HHAT: variants seen among roughly 807,000 people sequenced by gnomAD.
The protein encoded by HHAT is hedgehog acyltransferase.
Under a neutral mutation model 70.8 loss-of-function variants are expected in HHAT, and 47 were observed. The ratio of observed to expected loss-of-function variants is 0.66; its 90% CI spans 0.53 to 0.85. The LOEUF (loss-of-function observed/expected upper bound fraction) is 0.85, where lower values mean the gene tolerates loss of function less well. Ranked by LOEUF, HHAT falls within the 40% of genes least tolerant of loss-of-function variation. The pLI is 0.00. For synonymous variants in HHAT, 228 were observed against 247.6 expected, an observed-to-expected ratio of 0.92 and a Z score of 0.74; for missense variants, 609 against 604.8, an observed-to-expected ratio of 1.01 and a Z score of -0.07.
intron 11 of HHAT, among the ~76,000 whole-genome samples, chr1:210,626,660 A>G (rs1302809932): frequency 2.0e-5 from 3 of 152,192 alleles, no homozygotes; most frequent in South Asian, 4.2e-4. Context: ...ATGGTGCCCA[A>G]TCTCCCATCC....
At chr1:210,390,742 C>G (rs1254821916) in intron 4 of HHAT, among the ~76,000 whole-genome samples, 1 of 152,202 alleles carries the variant, frequency 6.6e-6, no homozygotes, top group East Asian at 1.9e-4. Flanking sequence ...TAAGTGAGAA[C>G]ATAGGATATT....
chr1:210,558,937 CTG>C (rs1323884038), intron 9 of HHAT, among the ~76,000 whole-genome samples: 1 of 152,084 alleles, frequency 6.6e-6, no homozygotes, highest in Admixed American at 6.5e-5. Flanking sequence ...AGTGAGGAGA[CTG>C]TGCTTCTAAA....
intron 10 of HHAT, among the ~76,000 whole-genome samples, chr1:210,618,159 A>G (rs1020275098): frequency 2.6e-5 from 4 of 152,160 alleles, no homozygotes; most frequent in Admixed American, 6.5e-5. Context: ...AAGGGGAAAC[A>G]TGTCCTACAG....
At chr1:210,517,521 A>G (rs2095078083) in intron 9 of HHAT, among the ~76,000 whole-genome samples, 1 of 152,166 alleles carries the variant, frequency 6.6e-6, no homozygotes, top group African/African-American at 2.4e-5. Flanking sequence ...GAACTCATGG[A>G]AACAGTAGAA....
In HHAT at chr1:210,349,067, G is replaced by A; in HGVS notation, c.91+1G>A. ...TATGAAGTTTACAAAGTCTCCAGAG[G>A]TAAGGCCCCAAGCTTTTCAGACCTC... On this transcript the variant is annotated splice_donor_variant, in intron 2 of 11. Transcript: ENST00000261458. LOFTEE classifies it high-confidence loss of function. 1 of 1,613,700 alleles carries A rather than the reference G, an allele frequency of 6.2e-7. No homozygotes were observed. The highest frequency in any genetic ancestry group is 8.5e-7 in the Non-Finnish European group (1 of 1,179,912).
At chr1:210,455,518 C>G (rs1394060713) in intron 7 of HHAT, among the ~76,000 whole-genome samples, 2 of 152,150 alleles carry the variant, frequency 1.3e-5, no homozygotes, top group Admixed American at 1.3e-4. Flanking sequence ...CACACAGGCT[C>G]TGTTCCACGT....
In HHAT at chr1:210,434,136, T is replaced by G. The variant is rs181132178; in HGVS notation, c.856+15811T>G. 1.7e-3 allele frequency among the ~76,000 whole-genome samples: 251 copies of G among 152,058 alleles called. 2 individuals are homozygous for G. The highest frequency in any genetic ancestry group is 2.9e-3 in the Non-Finnish European group (194 of 68,030). On this transcript the variant is annotated intron_variant, in intron 7 of 11. Coordinates refer to ENST00000261458, the MANE Select transcript of HHAT (RefSeq NM_018194.6). ...AAGAAGGTACACAATTTATCAGAAG[T>G]TGAAGAGAGGCCAATAAGAGGGGAA...
intron 7 of HHAT, among the ~76,000 whole-genome samples, chr1:210,452,150 C>T (rs1481324321): frequency 6.6e-6 from 1 of 152,202 alleles, no homozygotes; most frequent in African/African-American, 2.4e-5. Context: ...GATCTAAGGA[C>T]TGATAAGCTA....
rs1289172529 is a variant in HHAT at position 210,386,239 on chromosome 1, T to TC, written c.160-1229_160-1228insC. Among the ~76,000 whole-genome samples the TC allele has an allele frequency of 9.4e-4, 95 of 100,810 alleles. 4 individuals carry two copies. The East Asian group carries it at 0.016, about 17-fold the overall frequency. The allele number at this position is 100,810 out of a possible 152,430, so 66.1% of individuals were successfully genotyped here. On this transcript the variant is annotated intron_variant, in intron 3 of 11. Coordinates refer to ENST00000261458, the MANE Select transcript of HHAT (RefSeq NM_018194.6). ...GTCCTTTTCTTTTTTTCTTTTTTTT[T>TC]TTTTTTTTTTTTTTTTTGAGACAGA...
chr1:210,583,521 A>G (rs1659723235), intron 9 of HHAT, among the ~76,000 whole-genome samples: 1 of 152,214 alleles, frequency 6.6e-6, no homozygotes, highest in African/African-American at 2.4e-5. Flanking sequence ...TTTATTAATC[A>G]TGGAACTGAC....
Position 210,544,279 on chromosome 1 carries a change from C to A in HHAT, c.1043+31091C>A, listed in dbSNP as rs191770141. ...GACTATATGGATTCCTGTCAAGGGA[C>A]CTTGTCAAGTATCTTTACCTAGAGA... On this transcript the variant is annotated intron_variant, in intron 9 of 11. Transcript: ENST00000261458. Among the ~76,000 whole-genome samples, 416 of 151,828 alleles carry A rather than the reference C, an allele frequency of 2.7e-3. 2 individuals are homozygous for A. The highest frequency in any genetic ancestry group is 2.3e-3 in the Non-Finnish European group (157 of 67,986).
At chr1:210,488,499 T>C (rs563589090) in intron 8 of HHAT, among the ~76,000 whole-genome samples, 1 of 152,350 alleles carries the variant, frequency 6.6e-6, no homozygotes, top group East Asian at 1.9e-4. Context: ...GAAGATGTTT[T>C]CCCGTTTTAT....
intron 9 of HHAT, among the ~76,000 whole-genome samples, chr1:210,544,422 G>A (rs148470228): frequency 1.5e-3 from 225 of 147,976 alleles, no homozygotes; most frequent in African/African-American, 5.5e-3. Context: ...GCCCAAGCGG[G>A]AGTGCAAGGG....
At chr1:210,516,716 T>C (rs184114784) in intron 9 of HHAT, among the ~76,000 whole-genome samples, 5 of 151,312 alleles carry the variant, frequency 3.3e-5, no homozygotes, top group African/African-American at 9.7e-5. Flanking sequence ...TCAGGCTGTA[T>C]TGAATGCTTA....
chr1:210,617,997 G>GC (rs1668082046), intron 10 of HHAT, among the ~76,000 whole-genome samples: 1 of 152,194 alleles, frequency 6.6e-6, no homozygotes, highest in South Asian at 2.1e-4. Context: ...TAATCATTGA[G>GC]CACACATAGG....
rs148228829 is a variant in HHAT, at chr1:210,434,452, C to T, written c.856+16127C>T. 7.0e-3 allele frequency among the ~76,000 whole-genome samples: 1,062 copies of T among 151,914 alleles called. 36 individuals are homozygous for T. The highest frequency in any genetic ancestry group is 0.024 in the African/African-American group (1,009 of 41,226). On this transcript the variant is annotated intron_variant, in intron 7 of 11. Transcript: ENST00000261458. ...GGTACTGAGCAGCTCCTTTCCATGT[C>T]GGCCGAGTTCAAACAAGGTTTAAGT...
At chr1:210,640,267 A>G (rs556532380) in intron 11 of HHAT, among the ~76,000 whole-genome samples, 16 of 152,314 alleles carry the variant, frequency 1.1e-4, no homozygotes, top group Non-Finnish European at 2.2e-4. Flanking sequence ...AACTTATCCA[A>G]ATAATCAGTG....
chr1:210,590,988 C>A (rs994644436), intron 10 of HHAT, among the ~76,000 whole-genome samples: 2 of 152,088 alleles, frequency 1.3e-5, no homozygotes, highest in South Asian at 2.1e-4. Flanking sequence ...TATTTTGATA[C>A]AGGCATGCAA....
chr1:210,498,221 G>A (rs2094687827), intron 8 of HHAT, among the ~76,000 whole-genome samples: 1 of 152,088 alleles, frequency 6.6e-6, no homozygotes. Flanking sequence ...AGAAGAACAA[G>A]GTTTGGGGTA....
Sources: allele counts gnomAD v4.1 joint callset (sites outside exome capture counted in the v4.1 genomes callset), GRCh38; gene constraint gnomAD v4.1.1; transcripts MANE v1.5; gene names NCBI Gene and HGNC (gene_info 2026-07-23, HGNC 2026-07-21).